The following MAP4 variants were observed in gnomAD, a reference collection of about 807,000 sequenced individuals.
MAP4 encodes the protein microtubule associated protein 4.
MAP4 carries 76 observed loss-of-function variants against 170.2 expected under a neutral mutation model. The ratio of observed to expected loss-of-function variants is 0.45; its 90% CI spans 0.37 to 0.54. The LOEUF (loss-of-function observed/expected upper bound fraction) is 0.54, where lower values mean the gene tolerates loss of function less well. Among genes scored for constraint, MAP4 ranks in the 20% least tolerant of loss-of-function variants. MAP4 has a pLI of 0.00. For synonymous variants in MAP4, 909 were observed against 994.5 expected (o/e 0.91, Z 1.62); for missense variants, 2,506 against 2,748.0 (o/e 0.91, Z 1.97).
chr3:47,989,486 A>C (rs1391556498), intron 2 of MAP4, among the ~76,000 whole-genome samples: 4 of 152,206 alleles, frequency 2.6e-5, no homozygotes, highest in Admixed American at 6.5e-5. Flanking sequence ...GTTATTAACT[A>C]TATGTTGACC....
chr3:47,974,608 T>C, intron 3 of MAP4: 2 of 959,926 alleles, frequency 2.1e-6, no homozygotes, highest in South Asian at 4.8e-5. Context: ...ACATGGTCCA[T>C]GTTTTATGTT....
chr3:47,967,152 C>CATGGAGGAGAG (rs1256022380), intron 3 of MAP4, among the ~76,000 whole-genome samples: 40 of 151,846 alleles, frequency 2.6e-4, no homozygotes, highest in Admixed American at 9.8e-4. Flanking sequence ...GCCTGACCAA[C>CATGGAGGAGAG]ATGGAGAAAC....
At chr3:48,084,657 C>A (rs759281443) in intron 1 of MAP4, among the ~76,000 whole-genome samples, 1 of 151,276 alleles carries the variant, frequency 6.6e-6, no homozygotes, top group Non-Finnish European at 1.5e-5. Flanking sequence ...ATCACTGGAG[C>A]CTTGAACTCC....
rs190560297 is a variant in MAP4 at position 48,006,729 on chromosome 3, G to A, written c.-19-7850C>T. On this transcript the variant is annotated intron_variant, in intron 1 of 20. Coordinates refer to ENST00000683076, the MANE Select transcript of MAP4 (RefSeq NM_001385682.1). ...AGGACTTGAAAGATGCAGAAGTGGT[G>A]ATTCCCACCACATCCCCATTAACTC... is the stretch of plus-strand genomic sequence containing the variant. Among the ~76,000 whole-genome samples, 4 of 152,336 alleles carry A rather than the reference G, an allele frequency of 2.6e-5. No individual in the cohort carries two copies. In the East Asian group the frequency reaches 7.7e-4, roughly 29 times the overall value.
chr3:47,853,020 AG>A, intron 20 of MAP4, 82 bp from the exon 21 acceptor site: 1 of 1,614,260 alleles, frequency 6.2e-7, no homozygotes, highest in Non-Finnish European at 8.5e-7. Flanking sequence ...AGACGAGACC[AG>A]AATGTCATCA....
intron 3 of MAP4, among the ~76,000 whole-genome samples, chr3:47,929,218 GGTGATGCATGCCT>G (rs2100047897): frequency 6.6e-6 from 1 of 152,142 alleles, no homozygotes; most frequent in Non-Finnish European, 1.5e-5. Context: ...AGCTGGGCAT[GGTGATGCATGCCT>G]GTAATTCTGG....
intron 3 of MAP4, among the ~76,000 whole-genome samples, chr3:47,939,709 G>GT (rs10707025): frequency 2.8e-3 from 396 of 142,774 alleles, no homozygotes; most frequent in South Asian, 8.9e-3. Context: ...TAAAGAAATA[G>GT]TTTTTTTTTT....
upstream of MAP4, among the ~76,000 whole-genome samples, chr3:48,021,359 T>A (rs914917436): frequency 6.6e-6 from 1 of 152,050 alleles, no homozygotes; most frequent in Non-Finnish European, 1.5e-5. Context: ...TTTTGTTTTT[T>A]TTTTTAGACA....
intron 1 of MAP4, among the ~76,000 whole-genome samples, chr3:48,053,387 C>T (rs9821553): frequency 0.017 from 2,573 of 152,270 alleles, 62 homozygotes; most frequent in African/African-American, 0.049. Context: ...CTAGTATCTC[C>T]TATTTCCTCC....
At chr3:48,060,378 A>G (rs1005472119) in intron 1 of MAP4, among the ~76,000 whole-genome samples, 1 of 152,152 alleles carries the variant, frequency 6.6e-6, no homozygotes, top group South Asian at 2.1e-4. Flanking sequence ...ACCTAAATGT[A>G]AGATACGAAA....
intron 1 of MAP4, among the ~76,000 whole-genome samples, chr3:48,024,599 G>A (rs1415916462): frequency 2.6e-5 from 4 of 152,176 alleles, no homozygotes; most frequent in African/African-American, 9.7e-5. Context: ...GATGGAAGGA[G>A]TTGAAATTCC....
chr3:48,048,233 C>G (rs1449451525), intron 1 of MAP4, among the ~76,000 whole-genome samples: 1 of 152,184 alleles, frequency 6.6e-6, no homozygotes, highest in Non-Finnish European at 1.5e-5. Context: ...GATGCTGTAA[C>G]CTGATCATGG....
At position 47,923,024 on chromosome 3, in the gene MAP4, T is replaced by G. The variant is rs139774514; in HGVS notation, c.416-1146A>C. Among the ~76,000 whole-genome samples, 529 of 151,632 alleles carry G rather than the reference T, an allele frequency of 3.5e-3. 27 individuals carry two copies. The East Asian group carries it at 0.084, about 24-fold the overall frequency. On this transcript the variant is annotated intron_variant, in intron 4 of 20. Coordinates refer to ENST00000683076, the MANE Select transcript of MAP4 (RefSeq NM_001385682.1). The stretch of plus-strand genomic sequence containing the variant: ...GAGATGGCGCCACTGCACTCCAGCC[T>G]GGGTGATAGAGTGAGACTGTCTCAA...
At chr3:48,030,251 C>T (rs2100115330) in intron 1 of MAP4, among the ~76,000 whole-genome samples, 1 of 151,430 alleles carries the variant, frequency 6.6e-6, no homozygotes, top group African/African-American at 2.4e-5. Context: ...AATTTAAACA[C>T]AGCATTTCCA....
At chr3:47,887,567 C>A (rs567477455) in intron 10 of MAP4, among the ~76,000 whole-genome samples, 1 of 152,360 alleles carries the variant, frequency 6.6e-6, no homozygotes, top group African/African-American at 2.4e-5. Flanking sequence ...GTCCCATCAA[C>A]CACCCAAAGG....
In MAP4 at chr3:47,911,174, C is replaced by A. The variant is rs1559423530; in HGVS notation, c.3247G>T (p.Glu1083Ter). 6 of 1,536,120 alleles carry A rather than the reference C, an allele frequency of 3.9e-6. No individual in the cohort carries two copies. The highest frequency in any genetic ancestry group is 5.2e-6 in the Non-Finnish European group (6 of 1,146,912). ...TDSGKVKAKSELPFLLDSQKD... is the reference protein window; with the variant it reads ...TDSGKVKAKS ...TGGCTGTCCAGAAGAAATGGCAGCT[C>A]AGATTTTGCTTTTACCTTCCCAGAA... The change falls in exon 9 of 21, where the codon GAG becomes TAG. Residue 1083 changes from glutamate (E) to a stop codon, truncating the protein, a stop_gained. Coordinates refer to ENST00000683076, the MANE Select transcript of MAP4 (RefSeq NM_001385682.1). LOFTEE classifies it high-confidence loss of function. This position sits in a 1 kb window ranked among gnomAD's most constrained non-coding sequence, Gnocchi z 4.0.
intron 1 of MAP4, among the ~76,000 whole-genome samples, chr3:48,056,596 G>T (rs1386466964): frequency 8.8e-6 from 1 of 112,998 alleles, no homozygotes; most frequent in Non-Finnish European, 1.7e-5. Context: ...CCCGCCAGCC[G>T]CCCCATCCGG....
chr3:48,000,646 A>G (rs1198619376), intron 1 of MAP4, among the ~76,000 whole-genome samples: 1 of 152,184 alleles, frequency 6.6e-6, no homozygotes, highest in Non-Finnish European at 1.5e-5. Flanking sequence ...CTGGTTGACT[A>G]CTTCAAGTCT....
intron 1 of MAP4, among the ~76,000 whole-genome samples, chr3:48,054,816 AAAAAG>A (rs905755048): frequency 3.9e-5 from 6 of 151,966 alleles, no homozygotes; most frequent in Non-Finnish European, 5.9e-5. Flanking sequence ...TCCAAAAAAA[AAAAAG>A]AAAAGAAAAG....
Sources: allele counts gnomAD v4.1 joint callset (sites outside exome capture counted in the v4.1 genomes callset), GRCh38; gene constraint gnomAD v4.1.1; non-coding constraint Gnocchi (gnomAD v3.1); transcripts MANE v1.5; gene names NCBI Gene and HGNC (gene_info 2026-07-23, HGNC 2026-07-21).